Variants in SMARCD3 observed in about 807,000 individuals in gnomAD.
The protein encoded by SMARCD3 is SWI/SNF related BAF chromatin remodeling complex subunit D3, also known as SWI/SNF-related matrix-associated actin-dependent regulator of chromatin subfamily D member 3.
Under a neutral mutation model 58.0 loss-of-function variants are expected in SMARCD3, and 14 were observed. That is an observed-to-expected ratio of 0.24 (90% confidence interval 0.16 to 0.38). The LOEUF (loss-of-function observed/expected upper bound fraction) is 0.38. SMARCD3 is among the 10% of genes least tolerant of loss of function. The probability of loss-of-function intolerance (pLI) is 1.00; values close to 1 mark genes in which losing one functional copy is unlikely to be tolerated. For synonymous variants in SMARCD3, 253 were observed against 253.8 expected (o/e 1.00, Z 0.03); for missense variants, 408 against 636.9 (o/e 0.64, Z 3.87).
intron 2 of SMARCD3, among the ~76,000 whole-genome samples, chr7:151,273,218 T>C (rs943518369): frequency 6.6e-6 from 1 of 152,208 alleles, no homozygotes; most frequent in Admixed American, 6.5e-5. Context: ...CCAGGGTCAC[T>C]CTGGGGCCAG....
intron 8 of SMARCD3, chr7:151,240,988 T>G (rs1563646605): frequency 8.3e-6 from 2 of 239,852 alleles, no homozygotes; most frequent in Non-Finnish European, 1.6e-5. Context: ...CAGGTTTATC[T>G]GCTGTATTTA....
rs1473559639 is a variant in SMARCD3, at chr7:151,242,188, C to T, written c.624G>A (p.Leu208=). The change falls in exon 6 of 13, where the codon TTG becomes TTA. Residue 208 remains leucine, a synonymous_variant. Coordinates refer to ENST00000262188, the MANE Select transcript of SMARCD3 (RefSeq NM_001003801.2). This position sits in a 1 kb window ranked among gnomAD's most constrained non-coding sequence, Gnocchi z 4.7. The part of the protein sequence containing the change: ...KRKFSSFFKS[L]VIELDKDLYG... ...AAAGATCTTTGTCCAGCTCGATGAC[C>T]AAACTCTTGAAGAAAGAAGAGAACT... 6.2e-7 allele frequency: 1 copy of T among 1,613,988 alleles called. No homozygotes were observed. Among genetic ancestry groups the T allele is most frequent in the Non-Finnish European group, 8.5e-7 (1 of 1,179,984 alleles).
Position 151,245,603 on chromosome 7 carries a change from C to T in SMARCD3, c.147G>A (p.Pro49=), listed in dbSNP as rs992673474. Reference sequence around the variant, plus strand: ...GTCGCACGGCGGGGCTGCCCATGTACGGGGAGCCCGGGGGGCCCATGGGCG... The same window carrying T: ...GTCGCACGGCGGGGCTGCCCATGTATGGGGAGCCCGGGGGGCCCATGGGCG... ...QGAPMGPPGS[P]YMGSPAVRPG... is the part of the protein sequence containing the mutation. Residue 49 remains proline (P), a synonymous_variant, in exon 2 of 13, where the codon CCG becomes CCA. Transcript: ENST00000262188. This position sits in a 1 kb window ranked among gnomAD's most constrained non-coding sequence, Gnocchi z 6.2. The T allele has an allele frequency of 1.7e-6, 2 of 1,158,922 alleles. No homozygotes were observed. Among genetic ancestry groups the T allele is most frequent in the African/African-American group, 1.6e-5 (1 of 62,682 alleles). 71.8% of individuals were successfully genotyped at this position (1,158,922 alleles called of 1,614,324 possible). A position where few individuals can be genotyped will look rare whatever the true frequency, so the allele number is the denominator to read the frequency against.
Position 151,239,798 on chromosome 7 carries a change from C to T in SMARCD3, c.1174-52G>A, listed in dbSNP as rs567759514. 54 of 1,551,588 alleles carry T rather than the reference C, an allele frequency of 3.5e-5. No individual in the cohort carries two copies. The East Asian group carries it at 4.8e-4, about 14-fold the overall frequency. ...CACCTGGCTTTGGTGATGTGGGAGACGAGGGGAAAGGAAGCGGGTGGGAAG... is the reference window on the plus strand; with the variant it reads ...CACCTGGCTTTGGTGATGTGGGAGATGAGGGGAAAGGAAGCGGGTGGGAAG... On this transcript the variant is annotated intron_variant, in intron 10 of 12. Coordinates refer to ENST00000262188, the MANE Select transcript of SMARCD3 (RefSeq NM_001003801.2). The surrounding 1 kb of genome is among the most constrained non-coding windows in gnomAD (Gnocchi z 7.0).
At chr7:151,252,792 C>CTTCCAGGCCAGGGCAGCTGTG (rs1164019349), upstream of SMARCD3, among the ~76,000 whole-genome samples, 1 of 152,164 alleles carries the variant, frequency 6.6e-6, no homozygotes, top group African/African-American at 2.4e-5. Flanking sequence ...CCCCATGCTG[C>CTTCCAGGCCAGGGCAGCTGTG]TTCCAGGCCA....
upstream of SMARCD3, among the ~76,000 whole-genome samples, chr7:151,252,262 A>G (rs1803545071): frequency 6.6e-6 from 1 of 152,096 alleles, no homozygotes; most frequent in Non-Finnish European, 1.5e-5. Flanking sequence ...TGGCGAGGGG[A>G]TAGGGAGGAA....
upstream of SMARCD3, among the ~76,000 whole-genome samples, chr7:151,251,175 C>G (rs992710565): frequency 2.6e-5 from 4 of 152,030 alleles, no homozygotes. Flanking sequence ...GGTAGTTAGA[C>G]GAGGGGCTAT....
At chr7:151,260,250 C>T (rs1474013737) in intron 2 of SMARCD3, among the ~76,000 whole-genome samples, 2 of 152,014 alleles carry the variant, frequency 1.3e-5, no homozygotes, top group South Asian at 4.1e-4. Context: ...AACACACGCA[C>T]CCCACCTTCC....
chr7:151,248,760 G>A, upstream of SMARCD3: 6 of 890,042 alleles, frequency 6.7e-6, no homozygotes, highest in Non-Finnish European at 8.4e-6. This position sits in a 1 kb window ranked among gnomAD's most constrained non-coding sequence, Gnocchi z 6.1. Flanking sequence ...CCCGCCCGCC[G>A]CCGCCGCCGC....
intron 2 of SMARCD3, among the ~76,000 whole-genome samples, chr7:151,259,603 T>TTTTTTTTTTG (rs1803841756): frequency 1.1e-5 from 1 of 91,556 alleles, no homozygotes; most frequent in South Asian, 3.5e-4. Flanking sequence ...ACCTGAGAGT[T>TTTTTTTTTTG]TTTTTTTTTT....
chr7:151,239,053 G>A lies in SMARCD3; in HGVS notation c.*50C>T. The A allele has an allele frequency of 6.3e-7, 1 of 1,589,448 alleles. No individual in the cohort carries two copies. Among genetic ancestry groups the A allele is most frequent in the Non-Finnish European group, 8.6e-7 (1 of 1,157,560 alleles). ...TGCTGGAGCCCGGGGCAAAATGCTG[G>A]GGCCCGGGACACGGCTGAAAGTTCC... On this transcript the variant is annotated 3_prime_UTR_variant, in exon 13 of 13. Coordinates refer to ENST00000262188, the MANE Select transcript of SMARCD3 (RefSeq NM_001003801.2). This position sits in a 1 kb window ranked among gnomAD's most constrained non-coding sequence, Gnocchi z 7.0.
At chr7:151,262,113 G>A (rs1004558610) in intron 2 of SMARCD3, among the ~76,000 whole-genome samples, 2 of 151,864 alleles carry the variant, frequency 1.3e-5, no homozygotes, top group African/African-American at 4.8e-5. Context: ...TTTGAGACAG[G>A]GTTTTGCTCT....
chr7:151,274,529 C>T (rs909691109), intron 2 of SMARCD3, among the ~76,000 whole-genome samples: 1 of 152,236 alleles, frequency 6.6e-6, no homozygotes, highest in African/African-American at 2.4e-5. Flanking sequence ...GCTCCCACTG[C>T]GGGCTGTGCA....
chr7:151,257,386 G>A (rs1194859988), intron 2 of SMARCD3, among the ~76,000 whole-genome samples: 4 of 152,198 alleles, frequency 2.6e-5, no homozygotes, highest in African/African-American at 4.8e-5. Flanking sequence ...AAATGCTGCC[G>A]TCAGTTCTTA....
At position 151,242,483 on chromosome 7, in the gene SMARCD3, C is replaced by T; in HGVS notation, c.577G>A (p.Asp193Asn). 1 of 1,613,388 alleles carries T rather than the reference C, an allele frequency of 6.2e-7. No individual in the cohort carries two copies. Among genetic ancestry groups the T allele is most frequent in the Non-Finnish European group, 8.5e-7 (1 of 1,179,978 alleles). Reference sequence around the variant, plus strand: ...GAGAGACCTGGGCCGGGACGTACATCATCCAGGAGCTTCCCCTCCACCCGT... The same window carrying T: ...GAGAGACCTGGGCCGGGACGTACATTATCCAGGAGCTTCCCCTCCACCCGT... Reference protein sequence around the residue: ...ELRVEGKLLDDPSKQKRKFSS... With the variant: ...ELRVEGKLLDNPSKQKRKFSS... Residue 193 changes from aspartate (D) to asparagine (N), a missense_variant and splice_region_variant, in exon 5 of 13, where the codon GAT (aspartate) becomes AAT (asparagine). By Grantham distance (23) the Asp-to-Asn change is conservative. This residue lies in a region of SMARCD3 where 128 missense variants were observed against 188.8 expected (regional missense o/e 0.68). Coordinates refer to ENST00000262188, the MANE Select transcript of SMARCD3 (RefSeq NM_001003801.2). The surrounding 1 kb of genome is among the most constrained non-coding windows in gnomAD (Gnocchi z 4.7).
intron 1 of SMARCD3, among the ~76,000 whole-genome samples, chr7:151,275,489 G>A (rs1051241135): frequency 2.0e-5 from 3 of 152,174 alleles, no homozygotes; most frequent in Admixed American, 6.5e-5. Flanking sequence ...AGGGTCCTGC[G>A]GGACAAAGAA....
chr7:151,264,814 G>C (rs565725382), intron 2 of SMARCD3, among the ~76,000 whole-genome samples: 1 of 152,318 alleles, frequency 6.6e-6, no homozygotes, highest in East Asian at 1.9e-4. Context: ...GACTAGCTGG[G>C]AAGCTGGCAT....
upstream of SMARCD3, among the ~76,000 whole-genome samples, chr7:151,251,621 G>A (rs890530397): frequency 1.3e-5 from 2 of 152,230 alleles, no homozygotes; most frequent in African/African-American, 4.8e-5. Context: ...GCTCCTGCGG[G>A]TGGGAAGGAG....
upstream of SMARCD3, among the ~76,000 whole-genome samples, chr7:151,249,916 C>T (rs1437335379): frequency 9.4e-6 from 1 of 106,934 alleles, no homozygotes; most frequent in Non-Finnish European, 1.9e-5. The surrounding 1 kb of genome is among the most constrained non-coding windows in gnomAD (Gnocchi z 4.8). Flanking sequence ...AGGCCACGCC[C>T]CTTTTTTCTC....
Sources: gnomAD v4.1 joint callset for allele counts (sites outside exome capture counted in the v4.1 genomes callset) on GRCh38, gnomAD v4.1.1 for gene constraint, gnomAD v4.1.1 regional missense constraint, Gnocchi (gnomAD v3.1) non-coding constraint, MANE v1.5 for transcripts, NCBI Gene and HGNC (gene_info 2026-07-23, HGNC 2026-07-21) for gene names.